The following EPHX4 variants were observed in gnomAD, a reference collection of about 807,000 sequenced individuals.
EPHX4 encodes the protein epoxide hydrolase 4, also known as abhydrolase domain containing 7.
Under a neutral mutation model 44.9 loss-of-function variants are expected in EPHX4, and 31 were observed. That is an observed-to-expected ratio of 0.69 (90% CI 0.52 to 0.93). The LOEUF (loss-of-function observed/expected upper bound fraction) is 0.93, where lower values mean the gene tolerates loss of function less well. Ranked by LOEUF, EPHX4 falls within the 40% of genes least tolerant of loss-of-function variation. EPHX4 has a pLI of 0.00. For missense variants in EPHX4, 373 were observed against 438.1 expected (o/e 0.85, Z 1.33); for synonymous variants, 151 against 159.7 (o/e 0.95, Z 0.41).
intron 6 of EPHX4, among the ~76,000 whole-genome samples, chr1:92,060,865 G>A (rs74883103): frequency 0.042 from 6,434 of 151,916 alleles, 168 homozygotes; most frequent in African/African-American, 0.071. Flanking sequence ...TAGAATGTAA[G>A]TGGCTTTAAA....
At chr1:92,055,792 C>T (rs1237312956) in intron 6 of EPHX4, among the ~76,000 whole-genome samples, 5 of 151,856 alleles carry the variant, frequency 3.3e-5, no homozygotes, top group African/African-American at 4.8e-5. Flanking sequence ...GGATAGGAGA[C>T]GAGAATGACA....
intron 2 of EPHX4, among the ~76,000 whole-genome samples, chr1:92,041,861 A>G (rs576259017): frequency 5.3e-4 from 81 of 152,030 alleles, no homozygotes; most frequent in African/African-American, 1.9e-3. Flanking sequence ...ACCAACATGG[A>G]GAAACCCTGT....
At chr1:92,049,692 A>G (rs1647211554) in intron 4 of EPHX4, among the ~76,000 whole-genome samples, 1 of 152,224 alleles carries the variant, frequency 6.6e-6, no homozygotes, top group Non-Finnish European at 1.5e-5. Context: ...ATCACCATGT[A>G]TTCCTAGGAA....
At chr1:92,032,717 A>G (rs1688379656) in intron 2 of EPHX4, 127 bp downstream of exon 2, 1 of 811,508 alleles carries the variant, frequency 1.2e-6, no homozygotes, top group South Asian at 1.6e-5. Flanking sequence ...ATTTTCTCAG[A>G]GTTCTGGAGG....
At chr1:92,056,531 G>A (rs979162031) in intron 6 of EPHX4, among the ~76,000 whole-genome samples, 1 of 152,088 alleles carries the variant, frequency 6.6e-6, no homozygotes, top group African/African-American at 2.4e-5. Flanking sequence ...GATCAATCAA[G>A]CAGAAACAAA....
At chr1:92,055,001 A>ATAT (rs1647332435) in intron 6 of EPHX4, among the ~76,000 whole-genome samples, 4 of 152,174 alleles carry the variant, frequency 2.6e-5, no homozygotes, top group South Asian at 2.1e-4. Flanking sequence ...TATATATGCT[A>ATAT]ATAATTTTTT....
chr1:92,034,018 T>TTTA lies in EPHX4; in HGVS notation c.317+1428_317+1429insTTA, dbSNP rs1553201608. 2.1e-3 allele frequency among the ~76,000 whole-genome samples: 315 copies of TTTA among 148,272 alleles called. 2 individuals are homozygous for TTTA. Among genetic ancestry groups the TTTA allele is most frequent in the Middle Eastern group, 0.01 (3 of 290 alleles). On this transcript the variant is annotated intron_variant, in intron 2 of 6. Transcript: ENST00000370383. ...TAAACTTTTTTTTTTTTTTTTTTTTTAATGAACATCTTTAAAAGAGGTGGT... is the reference window on the plus strand; with the variant it reads ...TAAACTTTTTTTTTTTTTTTTTTTTTTTAAATGAACATCTTTAAAAGAGGTGGT...
At chr1:92,046,461 TG>T (rs1300793948) in intron 4 of EPHX4, among the ~76,000 whole-genome samples, 2 of 152,216 alleles carry the variant, frequency 1.3e-5, no homozygotes, top group African/African-American at 4.8e-5. Context: ...GGTTTTGTTT[TG>T]TTTCTGTTTT....
At chr1:92,051,444 CT>C (rs902987450) in intron 5 of EPHX4, among the ~76,000 whole-genome samples, 19 of 151,416 alleles carry the variant, frequency 1.3e-4, no homozygotes, top group Non-Finnish European at 2.4e-4. Context: ...TGCCTTCTTT[CT>C]TTTTTTTCTA....
chr1:92,042,257 T>C (rs1557882883), intron 2 of EPHX4, among the ~76,000 whole-genome samples: 1 of 152,224 alleles, frequency 6.6e-6, no homozygotes, highest in East Asian at 1.9e-4. Context: ...TCTGATACTA[T>C]GTAGTTTCTG....
intron 6 of EPHX4, among the ~76,000 whole-genome samples, chr1:92,055,792 C>G (rs1237312956): frequency 6.6e-6 from 1 of 151,856 alleles, no homozygotes; most frequent in Non-Finnish European, 1.5e-5. Context: ...GGATAGGAGA[C>G]GAGAATGACA....
chr1:92,036,455 C>G (rs1463820362), intron 2 of EPHX4, among the ~76,000 whole-genome samples: 2 of 152,154 alleles, frequency 1.3e-5, no homozygotes, highest in Non-Finnish European at 2.9e-5. Flanking sequence ...CAGCACTGGT[C>G]CCTGGATATC....
intron 1 of EPHX4, among the ~76,000 whole-genome samples, chr1:92,031,350 A>G (rs1688357580): frequency 6.6e-6 from 1 of 152,228 alleles, no homozygotes; most frequent in African/African-American, 2.4e-5. Context: ...CTAGGAAGCC[A>G]TCGTGCAGCT....
intron 2 of EPHX4, among the ~76,000 whole-genome samples, chr1:92,038,692 G>A (rs1688472557): frequency 6.6e-6 from 1 of 152,170 alleles, no homozygotes; most frequent in Non-Finnish European, 1.5e-5. Flanking sequence ...ATGTGATAAT[G>A]AGTTAATTGA....
intron 6 of EPHX4, among the ~76,000 whole-genome samples, chr1:92,055,000 T>TTTTTTGTGATAA (rs1647332399): frequency 1.3e-5 from 2 of 152,176 alleles, no homozygotes; most frequent in African/African-American, 4.8e-5. Context: ...ATATATATGC[T>TTTTTTGTGATAA]AATAATTTTT....
intron 4 of EPHX4, among the ~76,000 whole-genome samples, chr1:92,046,306 T>C (rs1429826140): frequency 6.6e-6 from 1 of 152,208 alleles, no homozygotes; most frequent in Non-Finnish European, 1.5e-5. Context: ...CTTCAATCTG[T>C]TGCAATATGT....
intron 2 of EPHX4, among the ~76,000 whole-genome samples, chr1:92,034,889 C>T (rs1416009541): frequency 2.0e-5 from 3 of 152,082 alleles, no homozygotes; most frequent in Non-Finnish European, 4.4e-5. Flanking sequence ...AGTGATCTGC[C>T]CCCTTCAGCC....
intron 6 of EPHX4, among the ~76,000 whole-genome samples, chr1:92,056,034 G>A (rs1410771715): frequency 2.0e-5 from 3 of 151,974 alleles, no homozygotes; most frequent in African/African-American, 7.3e-5. Flanking sequence ...AGAGCGAGCA[G>A]GCCTATAAAC....
intron 6 of EPHX4, among the ~76,000 whole-genome samples, chr1:92,062,468 C>A (rs1034237164): frequency 6.6e-6 from 1 of 151,538 alleles, no homozygotes; most frequent in Non-Finnish European, 1.5e-5. Flanking sequence ...ACCTGTAGTC[C>A]CAGCTACTCA....
Sources: gnomAD v4.1 joint callset for allele counts (sites outside exome capture counted in the v4.1 genomes callset) on GRCh38, gnomAD v4.1.1 for gene constraint, MANE v1.5 for transcripts, NCBI Gene and HGNC (gene_info 2026-07-23, HGNC 2026-07-21) for gene names.